IL33: variants seen among roughly 807,000 people sequenced by gnomAD.
IL33 encodes the protein interleukin-33.
IL33 carries 37 observed loss-of-function variants against 27.3 expected under a neutral mutation model. The observed-to-expected ratio is 1.36, with a 90% CI of 1.04 to 1.78. The LOEUF is 1.78. Among genes scored for constraint, IL33 ranks in the 40% most tolerant of loss-of-function variants. The pLI, the probability that IL33 is intolerant of heterozygous loss-of-function variation, is 0.00. For synonymous variants in IL33, 132 were observed against 102.9 expected (o/e 1.28, Z -1.71); for missense variants, 406 against 311.4 (o/e 1.30, Z -2.29).
At chr9:6,233,557 T>A (rs1819033752) in intron 1 of IL33, among the ~76,000 whole-genome samples, 2 of 152,316 alleles carry the variant, frequency 1.3e-5, no homozygotes, top group Middle Eastern at 3.4e-3. Flanking sequence ...AACCTCAATA[T>A]TAATGACAAT....
chr9:6,248,575 CT>C (rs1452924320), intron 2 of IL33, among the ~76,000 whole-genome samples: 4 of 151,416 alleles, frequency 2.6e-5, no homozygotes, highest in Admixed American at 6.6e-5. Context: ...AAATTTCTAT[CT>C]TTTTTTTCTT....
intron 1 of IL33, 33 bp from the exon 2 acceptor site, chr9:6,241,651 C>A: frequency 1.5e-6 from 2 of 1,345,790 alleles, no homozygotes; most frequent in Non-Finnish European, 2.1e-6. Flanking sequence ...TAAGTTGAGA[C>A]AAATGAACTA....
chr9:6,256,063 TG>T lies in IL33; in HGVS notation c.710del (p.Gly237GlufsTer4), dbSNP rs779079241. 13 of 1,613,168 alleles carry T rather than the reference TG, an allele frequency of 8.1e-6. No individual in the cohort carries two copies. The African/African-American group carries it at 1.5e-4, about 18-fold the overall frequency. ...TTTCATTTGAATGCAAGACTGATCC[TG>T]GAGTGTTTATAGGTGTAAAGGATAA... ...CVSFECKTDP[G>X]VFIGVKDNHL... On this transcript the variant is annotated frameshift_variant, in exon 8 of 8. Coordinates refer to ENST00000682010, the MANE Select transcript of IL33 (RefSeq NM_033439.4). LOFTEE classifies it low-confidence loss of function (END_TRUNC).
chr9:6,251,223 G>T lies in IL33; in HGVS notation c.301G>T (p.Val101Phe), dbSNP rs757711069. 7 of 1,613,812 alleles carry T rather than the reference G, an allele frequency of 4.3e-6. No homozygotes were observed. Among genetic ancestry groups the T allele is most frequent in the African/African-American group, 1.3e-5 (1 of 74,898 alleles). Reference protein sequence around the residue: ...VECFAFGISGVQKYTRALHDS... With the variant: ...VECFAFGISGFQKYTRALHDS... ...GTGCTTTGCCTTTGGTATATCAGGGGTCCAGAAATATACTAGAGCACTTCA... is the reference window on the plus strand; with the variant it reads ...GTGCTTTGCCTTTGGTATATCAGGGTTCCAGAAATATACTAGAGCACTTCA... Residue 101 changes from valine to phenylalanine, a missense_variant, in exon 4 of 8, where the codon GTC becomes TTC. Physicochemically the swap from Val to Phe is conservative, Grantham distance 50 (BLOSUM62 -1). Coordinates refer to ENST00000682010, the MANE Select transcript of IL33 (RefSeq NM_033439.4).
At chr9:6,238,355 T>C (rs1468578166) in intron 1 of IL33, among the ~76,000 whole-genome samples, 2 of 152,190 alleles carry the variant, frequency 1.3e-5, no homozygotes, top group African/African-American at 4.8e-5. Flanking sequence ...TAAAAGTTCA[T>C]GTGAGGTCTT....
rs1311401521 is a variant in IL33 at position 6,252,052 on chromosome 9, C to CAA, written c.343+789_343+790dup. The stretch of plus-strand genomic sequence containing the variant: ...CTGTCTCAGAAAAAAAACAAACAAA[C>CAA]AAACAAAAAAAAACCCAACAAAAAA... On this transcript the variant is annotated intron_variant, in intron 4 of 7. Transcript: ENST00000682010. 1.8e-3 allele frequency among the ~76,000 whole-genome samples: 64 copies of CAA among 36,216 alleles called. 2 individuals are homozygous for CAA. The highest frequency in any genetic ancestry group is 6.0e-3 in the African/African-American group (64 of 10,632). The allele number at this position is 36,216 out of a possible 152,430, so 23.8% of individuals were successfully genotyped here.
intron 1 of IL33, among the ~76,000 whole-genome samples, chr9:6,229,863 A>G (rs1043081020): frequency 6.6e-6 from 1 of 152,170 alleles, no homozygotes; most frequent in Non-Finnish European, 1.5e-5. Flanking sequence ...GAGAGAGGAA[A>G]CAATAAAGTC....
At chr9:6,243,117 C>A (rs1180020754) in intron 2 of IL33, among the ~76,000 whole-genome samples, 12 of 152,170 alleles carry the variant, frequency 7.9e-5, no homozygotes, top group Non-Finnish European at 1.5e-4. Flanking sequence ...CCACCTCCAA[C>A]AATGGGGATC....
intron 7 of IL33, among the ~76,000 whole-genome samples, chr9:6,255,295 C>T (rs1305320003): frequency 1.3e-5 from 2 of 152,006 alleles, no homozygotes; most frequent in African/African-American, 4.8e-5. Context: ...CCATGTAAGG[C>T]CTTATTAACA....
At chr9:6,220,607 G>A (rs1818366086) in intron 1 of IL33, among the ~76,000 whole-genome samples, 3 of 151,988 alleles carry the variant, frequency 2.0e-5, no homozygotes, top group Admixed American at 2.0e-4. Context: ...GAATTTATTA[G>A]TTCCAAAGTT....
intron 2 of IL33, among the ~76,000 whole-genome samples, chr9:6,247,717 T>C (rs1819947134): frequency 6.6e-6 from 1 of 152,120 alleles, no homozygotes; most frequent in African/African-American, 2.4e-5. Context: ...AAAGTCCACA[T>C]GTCCAGGCCA....
intron 2 of IL33, among the ~76,000 whole-genome samples, chr9:6,244,386 C>T (rs549273447): frequency 2.0e-5 from 3 of 152,128 alleles, no homozygotes; most frequent in Non-Finnish European, 4.4e-5. Flanking sequence ...CCAACAGATG[C>T]TTAAAACAAT....
intron 1 of IL33, among the ~76,000 whole-genome samples, chr9:6,227,185 T>C (rs1818675471): frequency 6.6e-6 from 1 of 152,250 alleles, no homozygotes; most frequent in Non-Finnish European, 1.5e-5. Context: ...ACCCTTCTAT[T>C]GTGAATGTAG....
intron 1 of IL33, among the ~76,000 whole-genome samples, chr9:6,224,932 G>C (rs573732282): frequency 2.0e-5 from 3 of 151,904 alleles, no homozygotes; most frequent in Non-Finnish European, 4.4e-5. Flanking sequence ...TACTGACTCA[G>C]GTATATATAA....
chr9:6,229,079 T>A (rs948635970), intron 1 of IL33, among the ~76,000 whole-genome samples: 2 of 151,980 alleles, frequency 1.3e-5, no homozygotes, highest in Non-Finnish European at 2.9e-5. Flanking sequence ...GCTGCCAGTA[T>A]AGAAGGGGCC....
At position 6,254,499 on chromosome 9, in the gene IL33, G is replaced by T; in HGVS notation, c.558G>T (p.Leu186=). 1 of 1,597,954 alleles carries T rather than the reference G, an allele frequency of 6.3e-7. No individual in the cohort carries two copies. The highest frequency in any genetic ancestry group is 8.5e-7 in the Non-Finnish European group (1 of 1,170,196). ...GVDGKMLMVT[L]SPTKDFWLHA... ...ATGGTAAGATGTTAATGGTAACCCTGAGTCCTACAAAAGACTTCTGGTTGC... is the reference window on the plus strand; with the variant it reads ...ATGGTAAGATGTTAATGGTAACCCTTAGTCCTACAAAAGACTTCTGGTTGC... The change falls in exon 7 of 8, where the codon CTG becomes CTT. Residue 186 remains leucine (L), a synonymous_variant. Transcript: ENST00000682010.
intron 2 of IL33, among the ~76,000 whole-genome samples, chr9:6,246,377 C>T (rs565410958): frequency 6.6e-6 from 1 of 152,114 alleles, no homozygotes; most frequent in African/African-American, 2.4e-5. Context: ...TCTTTGCCAA[C>T]ATGGTGAAAC....
intron 7 of IL33, 120 bp from the exon 8 acceptor site, chr9:6,255,848 A>T (rs1278268109): frequency 1.0e-5 from 8 of 772,816 alleles, no homozygotes; most frequent in Non-Finnish European, 1.7e-5. Flanking sequence ...TCACTAAGCA[A>T]GCTTGCTAGA....
At chr9:6,239,464 A>G (rs1162742659) in intron 1 of IL33, among the ~76,000 whole-genome samples, 2 of 152,108 alleles carry the variant, frequency 1.3e-5, no homozygotes, top group African/African-American at 4.8e-5. Context: ...GGTTGTCAGA[A>G]ATTCATGCCT....
Sources: allele counts gnomAD v4.1 joint callset (sites outside exome capture counted in the v4.1 genomes callset), GRCh38; gene constraint gnomAD v4.1.1; transcripts MANE v1.5; gene names NCBI Gene and HGNC (gene_info 2026-07-23, HGNC 2026-07-21).